Variants in SLX4IP observed in about 807,000 individuals in gnomAD.
SLX4IP encodes the protein protein SLX4IP.
A neutral mutation model predicts 32.9 loss-of-function variants in SLX4IP; 34 were observed. The observed-to-expected ratio is 1.03, with a 90% confidence interval of 0.79 to 1.38. The LOEUF (loss-of-function observed/expected upper bound fraction) is 1.38, where lower values mean the gene tolerates loss of function less well. Among genes scored for constraint, SLX4IP ranks in the 40% most tolerant of loss-of-function variants. SLX4IP has a pLI of 0.00. For synonymous variants in SLX4IP, 172 were observed against 171.7 expected, an observed-to-expected ratio of 1.00 and a Z score of -0.01; for missense variants, 444 against 479.0, an observed-to-expected ratio of 0.93 and a Z score of 0.68.
intron 1 of SLX4IP, among the ~76,000 whole-genome samples, chr20:10,449,993 G>A (rs2065229225): frequency 6.6e-6 from 1 of 151,592 alleles, no homozygotes; most frequent in Non-Finnish European, 1.5e-5. Flanking sequence ...ATTGTGAGTT[G>A]AAAATGTGAA....
intron 2 of SLX4IP, among the ~76,000 whole-genome samples, chr20:10,530,262 T>A (rs938517737): frequency 1.3e-5 from 2 of 152,234 alleles, no homozygotes; most frequent in Non-Finnish European, 2.9e-5. Context: ...TTATTCTTTG[T>A]GTTTCTGGTA....
At chr20:10,604,742 A>G (rs1408520338) in intron 6 of SLX4IP, among the ~76,000 whole-genome samples, 1 of 152,250 alleles carries the variant, frequency 6.6e-6, no homozygotes, top group Non-Finnish European at 1.5e-5. Flanking sequence ...ATAGCTCTGC[A>G]CAGAGTGCCC....
At chr20:10,479,218 C>T (rs184614254) in intron 2 of SLX4IP, among the ~76,000 whole-genome samples, 79 of 152,200 alleles carry the variant, frequency 5.2e-4, no homozygotes, top group African/African-American at 1.6e-3. Flanking sequence ...AAGTCATCTG[C>T]GGATGCAAAA....
chr20:10,542,862 A>G (rs1280412555), intron 2 of SLX4IP, among the ~76,000 whole-genome samples: 3 of 152,162 alleles, frequency 2.0e-5, no homozygotes, highest in African/African-American at 7.2e-5. Context: ...GCTACCCCAG[A>G]TATGCACTGT....
At chr20:10,576,442 A>G (rs1329129192) in intron 4 of SLX4IP, among the ~76,000 whole-genome samples, 2 of 152,218 alleles carry the variant, frequency 1.3e-5, no homozygotes, top group Non-Finnish European at 2.9e-5. Context: ...CAATGCCCTT[A>G]TTACTTAGAG....
intron 6 of SLX4IP, among the ~76,000 whole-genome samples, chr20:10,603,065 G>A (rs1362146499): frequency 2.0e-5 from 3 of 152,222 alleles, no homozygotes; most frequent in Middle Eastern, 3.4e-3. Context: ...AGTTATCTTC[G>A]TAAACTAATA....
intron 4 of SLX4IP, among the ~76,000 whole-genome samples, chr20:10,574,888 G>A (rs865643): frequency 0.19 from 29,046 of 151,932 alleles, 3,380 homozygotes; most frequent in Admixed American, 0.26. Flanking sequence ...AGCCAGGCTG[G>A]TCTCGAACTC....
intron 4 of SLX4IP, among the ~76,000 whole-genome samples, chr20:10,591,791 C>CA (rs1216322309): frequency 1.3e-5 from 2 of 151,986 alleles, no homozygotes. Flanking sequence ...TTTAAATAAA[C>CA]AAAAAAGTGG....
intron 2 of SLX4IP, among the ~76,000 whole-genome samples, chr20:10,506,809 AG>A (rs2065763771): frequency 6.6e-6 from 1 of 152,218 alleles, no homozygotes; most frequent in Admixed American, 6.5e-5. Context: ...GAAAGGTATC[AG>A]GAGGAGTGAG....
chr20:10,484,445 T>A (rs2065554340), intron 2 of SLX4IP, among the ~76,000 whole-genome samples: 1 of 152,176 alleles, frequency 6.6e-6, no homozygotes. Context: ...CTTTGGTATC[T>A]ATTAGTAGTA....
chr20:10,604,940 T>C (rs2066888411), intron 6 of SLX4IP, among the ~76,000 whole-genome samples: 2 of 152,322 alleles, frequency 1.3e-5, no homozygotes, highest in South Asian at 4.1e-4. Context: ...CTTTATTTGG[T>C]TTGTTTTTTC....
At chr20:10,555,718 A>C (rs929914078) in intron 2 of SLX4IP, among the ~76,000 whole-genome samples, 2 of 152,166 alleles carry the variant, frequency 1.3e-5, no homozygotes, top group Non-Finnish European at 2.9e-5. Context: ...ATGTATCTTT[A>C]TCTTCTTGCT....
chr20:10,553,301 T>C (rs1015833507), intron 2 of SLX4IP, among the ~76,000 whole-genome samples: 1 of 150,936 alleles, frequency 6.6e-6, no homozygotes, highest in Non-Finnish European at 1.5e-5. Context: ...TCCATCACTA[T>C]GTGACAAGAC....
rs2067143561 is a variant in SLX4IP, at chr20:10,623,754, G to C, written c.*375G>C. The C allele has an allele frequency of 5.3e-6, 1 of 187,502 alleles. No individual in the cohort carries two copies. The highest frequency in any genetic ancestry group is 5.3e-5 in the Admixed American group (1 of 18,768). 11.6% of individuals were successfully genotyped at this position (187,502 alleles called of 1,614,324 possible). A position where few individuals can be genotyped will look rare whatever the true frequency, so the allele number is the denominator to read the frequency against. Reference sequence around the variant, plus strand: ...CAATGGACCGTGCAAAGACAGTGCTGCCGTGCTGCCTTTCAGCTCCAGGGG... The same window carrying C: ...CAATGGACCGTGCAAAGACAGTGCTCCCGTGCTGCCTTTCAGCTCCAGGGG... On this transcript the variant is annotated 3_prime_UTR_variant, in exon 8 of 8. Coordinates refer to ENST00000334534, the MANE Select transcript of SLX4IP (RefSeq NM_001009608.3).
intron 1 of SLX4IP, among the ~76,000 whole-genome samples, chr20:10,442,955 C>A (rs1051919342): frequency 6.6e-6 from 1 of 152,126 alleles, no homozygotes; most frequent in Non-Finnish European, 1.5e-5. Flanking sequence ...AATTTATGCA[C>A]CAAAAACATC....
chr20:10,518,543 TTCCTTC>T (rs765494788), intron 2 of SLX4IP, among the ~76,000 whole-genome samples: 8,316 of 92,618 alleles, frequency 0.09, 810 homozygotes, highest in Middle Eastern at 0.13. Flanking sequence ...CCTTCCTTCC[TTCCTTC>T]CTTTCCTTCT....
intron 1 of SLX4IP, among the ~76,000 whole-genome samples, chr20:10,446,506 G>C (rs1030864106): frequency 6.1e-5 from 7 of 115,456 alleles, no homozygotes; most frequent in African/African-American, 2.0e-4. Flanking sequence ...ATTCTGAGGA[G>C]AGCAATTTTT....
At chr20:10,454,101 A>G (rs6133940) in intron 1 of SLX4IP, among the ~76,000 whole-genome samples, 1 of 152,154 alleles carries the variant, frequency 6.6e-6, no homozygotes, top group African/African-American at 2.4e-5. Context: ...TGTTTCAGCC[A>G]AATAGGTTTT....
At chr20:10,450,946 G>T (rs1444451959) in intron 1 of SLX4IP, among the ~76,000 whole-genome samples, 1 of 152,008 alleles carries the variant, frequency 6.6e-6, no homozygotes, top group Non-Finnish European at 1.5e-5. Flanking sequence ...TAGAGACGGG[G>T]TTTCACCGTG....
Sources: gnomAD v4.1 joint callset for allele counts (sites outside exome capture counted in the v4.1 genomes callset) on GRCh38, gnomAD v4.1.1 for gene constraint, MANE v1.5 for transcripts, NCBI Gene and HGNC (gene_info 2026-07-23, HGNC 2026-07-21) for gene names.